Variants in BRD10 observed in about 807,000 individuals in gnomAD.
The protein encoded by BRD10 is uncharacterized bromodomain-containing protein 10.
At chr9:5,900,028 T>A in the BRD10 span, among the ~76,000 whole-genome samples, 1 of 152,340 alleles carries the variant, frequency 6.6e-6, no homozygotes, top group East Asian at 1.9e-4. Flanking sequence ...TATTTGTATA[T>A]CAAAAACAAA....
chr9:5,921,899 C>T, the BRD10 span: 2 of 1,613,898 alleles, frequency 1.2e-6, no homozygotes, highest in Non-Finnish European at 1.7e-6. Context: ...GAGATTTTTC[C>T]CCATGGATGG....
the BRD10 span, chr9:6,007,793 G>C: frequency 6.6e-7 from 1 of 1,507,344 alleles, no homozygotes; most frequent in Non-Finnish European, 8.8e-7. Context: ...CTCATGCCCC[G>C]GCAGGCCTAG....
the BRD10 span, among the ~76,000 whole-genome samples, chr9:5,908,412 G>C: frequency 6.6e-6 from 1 of 152,160 alleles, no homozygotes; most frequent in South Asian, 2.1e-4. Flanking sequence ...AAGCTTTTGA[G>C]ATTTTGGGAA....
At chr9:5,918,901 C>T in the BRD10 span, 1 of 151,932 alleles carries the variant, frequency 6.6e-6, no homozygotes, top group Non-Finnish European at 1.5e-5. Flanking sequence ...TGTACAAGTG[C>T]TAGCTCTAAT....
the BRD10 span, among the ~76,000 whole-genome samples, chr9:5,957,823 A>C: frequency 6.6e-6 from 1 of 152,186 alleles, no homozygotes; most frequent in Non-Finnish European, 1.5e-5. Context: ...ATCGAGCATG[A>C]GATACTACAA....
the BRD10 span, among the ~76,000 whole-genome samples, chr9:6,006,321 T>C: frequency 1.3e-5 from 2 of 152,222 alleles, no homozygotes; most frequent in Non-Finnish European, 2.9e-5. Flanking sequence ...CTTGCTCAAC[T>C]TAAATTCACT....
the BRD10 span, chr9:5,892,567 G>C: frequency 6.8e-6 from 11 of 1,609,478 alleles, no homozygotes; most frequent in South Asian, 2.2e-5. Context: ...TTCAAAACCA[G>C]ACCCAGCAGG....
the BRD10 span, chr9:6,007,412 C>T: frequency 6.2e-7 from 1 of 1,607,536 alleles, no homozygotes; most frequent in Non-Finnish European, 8.5e-7. Flanking sequence ...AAGGCGCGAC[C>T]GCCCCGGCCC....
At chr9:5,991,704 G>A in the BRD10 span, among the ~76,000 whole-genome samples, 2 of 143,310 alleles carry the variant, frequency 1.4e-5, no homozygotes, top group Admixed American at 7.2e-5. Flanking sequence ...CAGCCTGGGC[G>A]ACAGAGAAAG....
At chr9:5,935,444 G>A in the BRD10 span, among the ~76,000 whole-genome samples, 3 of 152,270 alleles carry the variant, frequency 2.0e-5, no homozygotes, top group African/African-American at 4.8e-5. Context: ...CACTATCACC[G>A]GGGAAGAAAA....
chr9:5,990,535 G>C, the BRD10 span, among the ~76,000 whole-genome samples: 3 of 152,118 alleles, frequency 2.0e-5, no homozygotes, highest in Non-Finnish European at 4.4e-5. Context: ...TTTATAAGTA[G>C]ATAAGATAAA....
chr9:5,995,427 T>C, the BRD10 span, among the ~76,000 whole-genome samples: 1 of 152,226 alleles, frequency 6.6e-6, no homozygotes, highest in Admixed American at 6.5e-5. Flanking sequence ...TCTTCAGAAT[T>C]TGTATTTCAT....
At chr9:5,913,538 G>A in the BRD10 span, among the ~76,000 whole-genome samples, 1 of 152,160 alleles carries the variant, frequency 6.6e-6, no homozygotes, top group Admixed American at 6.6e-5. Flanking sequence ...TAAAAAGTGT[G>A]AGAAACGGAG....
the BRD10 span, among the ~76,000 whole-genome samples, chr9:5,991,166 T>TTG: frequency 3.1e-3 from 421 of 137,496 alleles, 13 homozygotes; most frequent in Admixed American, 0.027. Flanking sequence ...CATGTGTGTT[T>TTG]TGTGTGTGTG....
At chr9:5,944,799 A>T in the BRD10 span, 2 of 615,096 alleles carry the variant, frequency 3.3e-6, no homozygotes, top group African/African-American at 3.9e-5. Context: ...GATTTCAAAA[A>T]GGCTTTAGGA....
At chr9:5,919,399 C>T in the BRD10 span, 1 of 272,512 alleles carries the variant, frequency 3.7e-6, no homozygotes, top group East Asian at 6.9e-5. Context: ...AAACTTTGTT[C>T]ACTTTATGTT....
At chr9:5,918,082 C>T in the BRD10 span, among the ~76,000 whole-genome samples, 2 of 152,196 alleles carry the variant, frequency 1.3e-5, no homozygotes, top group South Asian at 2.1e-4. Context: ...CCCACTTCCC[C>T]AGGGCTTTCT....
At chr9:5,887,053 G>A in the BRD10 span, among the ~76,000 whole-genome samples, 1 of 152,264 alleles carries the variant, frequency 6.6e-6, no homozygotes, top group Admixed American at 6.5e-5. Context: ...GAGGTCAGGA[G>A]TTCGAGACCA....
the BRD10 span, among the ~76,000 whole-genome samples, chr9:5,986,817 A>G: frequency 6.6e-6 from 1 of 152,176 alleles, no homozygotes; most frequent in Admixed American, 6.5e-5. Flanking sequence ...ATTCATATTC[A>G]TAGTTTCCTG....
Sources: gnomAD v4.1 joint callset for allele counts (sites outside exome capture counted in the v4.1 genomes callset) on GRCh38, gnomAD v4.1.1 for gene constraint, MANE v1.5 for transcripts, NCBI Gene and HGNC (gene_info 2026-07-23, HGNC 2026-07-21) for gene names.